Variants in EGFR observed in about 807,000 individuals in gnomAD.
EGFR encodes the protein avian erythroblastic leukemia viral (v-erb-b) oncogene homolog.
Under a neutral mutation model 143.0 loss-of-function variants are expected in EGFR, and 58 were observed. The ratio of observed to expected loss-of-function variants is 0.41; its 90% CI spans 0.33 to 0.50. The LOEUF (loss-of-function observed/expected upper bound fraction) is 0.50, where lower values mean the gene tolerates loss of function less well. Among genes scored for constraint, EGFR ranks in the 20% least tolerant of loss-of-function variants. The probability of loss-of-function intolerance (pLI) is 0.39; values close to 1 mark genes in which losing one functional copy is unlikely to be tolerated. For synonymous variants in EGFR, 613 were observed against 594.4 expected (o/e 1.03, Z -0.45); for missense variants, 1,307 against 1,579.0 (o/e 0.83, Z 2.92).
chr7:55,025,480 G>A (rs1326516629), intron 1 of EGFR, among the ~76,000 whole-genome samples: 3 of 152,176 alleles, frequency 2.0e-5, no homozygotes, highest in African/African-American at 7.2e-5. Context: ...GCAGGGAAGG[G>A]AAGGGAAGGG....
chr7:55,047,706 G>GC (rs1788260917), intron 1 of EGFR, among the ~76,000 whole-genome samples: 1 of 152,136 alleles, frequency 6.6e-6, no homozygotes, highest in Non-Finnish European at 1.5e-5. Flanking sequence ...AGCTGAGATC[G>GC]CATCATTGTA....
chr7:55,028,986 G>T (rs562397412), intron 1 of EGFR, among the ~76,000 whole-genome samples: 3 of 151,894 alleles, frequency 2.0e-5, no homozygotes, highest in Non-Finnish European at 4.4e-5. Context: ...GGTGAAACCC[G>T]CCTCTACTAA....
At chr7:55,151,443 C>T in intron 5 of EGFR, 81 bp downstream of exon 5, 4 of 1,423,080 alleles carry the variant, frequency 2.8e-6, no homozygotes, top group Non-Finnish European at 4.0e-6. Context: ...ATTTGTTTTC[C>T]CTCTGAAGAC....
At chr7:55,117,881 T>A (rs1404092658) in intron 1 of EGFR, among the ~76,000 whole-genome samples, 1 of 152,134 alleles carries the variant, frequency 6.6e-6, no homozygotes, top group East Asian at 1.9e-4. Flanking sequence ...AAATTTGCAA[T>A]TAGAACTTCA....
At position 55,027,990 on chromosome 7, in the gene EGFR, AAATATATATATATATATATAT is replaced by A. The variant is rs1232630940; in HGVS notation, c.88+8627_88+8647del. On this transcript the variant is annotated intron_variant, in intron 1 of 27. Coordinates refer to ENST00000275493, the MANE Select transcript of EGFR (RefSeq NM_005228.5). ...TGCCTTTATGTAAAAAAAAAAAAAAAAATATATATATATATATATATATATATATATATATACACACACACA... is the reference window on the plus strand; with the variant it reads ...TGCCTTTATGTAAAAAAAAAAAAAAAATATATATATATATACACACACACA... 2.3e-4 allele frequency among the ~76,000 whole-genome samples: 15 copies of A among 64,904 alleles called. 1 individual carries two copies. In the East Asian group the frequency reaches 3.1e-3, roughly 13 times the overall value. 42.6% of individuals were successfully genotyped at this position (64,904 alleles called of 152,430 possible).
chr7:55,083,784 T>C (rs1490061668), intron 1 of EGFR, among the ~76,000 whole-genome samples: 1 of 152,220 alleles, frequency 6.6e-6, no homozygotes, highest in Admixed American at 6.5e-5. Flanking sequence ...ATACTGGAAG[T>C]TTTTGGTAAA....
At chr7:55,130,112 T>C (rs1793748245) in intron 1 of EGFR, among the ~76,000 whole-genome samples, 1 of 152,210 alleles carries the variant, frequency 6.6e-6, no homozygotes. Context: ...GGAGGTTTAC[T>C]GAGCCCTTCT....
intron 1 of EGFR, among the ~76,000 whole-genome samples, chr7:55,132,478 G>A (rs1002654937): frequency 2.0e-5 from 3 of 152,178 alleles, no homozygotes; most frequent in African/African-American, 7.2e-5. Flanking sequence ...AAAAGAAATG[G>A]AAGAAACTTT....
At chr7:55,172,735 A>T in intron 16 of EGFR, 1 of 973,790 alleles carries the variant, frequency 1.0e-6, no homozygotes, top group Non-Finnish European at 1.5e-6. Context: ...GGAGAGGTCC[A>T]GATAAAGCCT....
intron 20 of EGFR, among the ~76,000 whole-genome samples, chr7:55,188,529 T>C (rs757992962): frequency 6.6e-6 from 1 of 152,184 alleles, no homozygotes; most frequent in South Asian, 2.1e-4. Context: ...AGTTTTCCTG[T>C]AGTAATTAAC....
intron 1 of EGFR, among the ~76,000 whole-genome samples, chr7:55,075,306 C>A (rs1583976274): frequency 1.3e-5 from 2 of 152,186 alleles, no homozygotes; most frequent in African/African-American, 4.8e-5. Context: ...CCGGTGGCCA[C>A]TTTTCATTCA....
At chr7:55,174,882 A>AT (rs1786530891) in intron 19 of EGFR, 62 bp downstream of exon 19, 1 of 1,324,128 alleles carries the variant, frequency 7.6e-7, no homozygotes, top group Admixed American at 1.7e-5. Flanking sequence ...ACCTTTTCTC[A>AT]TGTCTGGCAG....
At chr7:55,036,892 G>C (rs1787616632) in intron 1 of EGFR, among the ~76,000 whole-genome samples, 1 of 152,172 alleles carries the variant, frequency 6.6e-6, no homozygotes, top group African/African-American at 2.4e-5. Context: ...GGCTATTTGG[G>C]AATAACACAG....
At chr7:55,192,462 A>G (rs1338494465) in intron 21 of EGFR, among the ~76,000 whole-genome samples, 1 of 152,132 alleles carries the variant, frequency 6.6e-6, no homozygotes, top group Non-Finnish European at 1.5e-5. Context: ...CCAACCCATG[A>G]TGCTGGGCCC....
intron 1 of EGFR, among the ~76,000 whole-genome samples, chr7:55,091,847 AACACAC>A (rs71014681): frequency 0.21 from 27,320 of 131,868 alleles, 2,890 homozygotes; most frequent in African/African-American, 0.3. Context: ...ACCCACTGTA[AACACAC>A]ACACACACAC....
At chr7:55,034,420 G>T (rs1787440606) in intron 1 of EGFR, among the ~76,000 whole-genome samples, 1 of 152,130 alleles carries the variant, frequency 6.6e-6, no homozygotes, top group African/African-American at 2.4e-5. Flanking sequence ...GTTTTGTAGA[G>T]ACAGGGTTTC....
Position 55,171,187 on chromosome 7 carries a change from A to G in EGFR, c.1893A>G (p.Pro631=), listed in dbSNP as rs1332637770. The G allele has an allele frequency of 1.2e-6, 2 of 1,614,112 alleles. No individual in the cohort carries two copies. The highest frequency in any genetic ancestry group is 1.3e-5 in the African/African-American group (1 of 74,956). Residue 631 remains proline, a synonymous_variant, in exon 16 of 28, where the codon CCA becomes CCG. Transcript: ENST00000275493. ...HPNCTYGCTG[P]GLEGCPTNGP... is the part of the protein sequence containing the mutation. ...TCACTTCCTACAGATGCACTGGGCCAGGTCTTGAAGGCTGTCCAACGAATG... is the reference window on the plus strand; with the variant it reads ...TCACTTCCTACAGATGCACTGGGCCGGGTCTTGAAGGCTGTCCAACGAATG...
At chr7:55,040,087 G>A (rs1353152792) in intron 1 of EGFR, among the ~76,000 whole-genome samples, 1 of 152,140 alleles carries the variant, frequency 6.6e-6, no homozygotes, top group Non-Finnish European at 1.5e-5. Context: ...TGTGGATTAG[G>A]ATCAGACAGT....
chr7:55,163,717 C>G lies in EGFR; in HGVS notation c.1632-16C>G, dbSNP rs763859090. On this transcript the variant is annotated splice_polypyrimidine_tract_variant and intron_variant, in intron 13 of 27. Transcript: ENST00000275493. Reference sequence around the variant, plus strand: ...TCTCAGGGGTGGGCTGACGGGTTTCCTCTTCCTCCTCTCAGTGAGCCAAGG... The same window carrying G: ...TCTCAGGGGTGGGCTGACGGGTTTCGTCTTCCTCCTCTCAGTGAGCCAAGG... 7 of 1,613,048 alleles carry G rather than the reference C, an allele frequency of 4.3e-6. No individual in the cohort carries two copies. In the Admixed American group the frequency reaches 6.7e-5, roughly 15 times the overall value.
Sources: allele counts gnomAD v4.1 joint callset (sites outside exome capture counted in the v4.1 genomes callset), GRCh38; gene constraint gnomAD v4.1.1; transcripts MANE v1.5; gene names NCBI Gene and HGNC (gene_info 2026-07-23, HGNC 2026-07-21).